LINGO2: variants seen among roughly 807,000 people sequenced by gnomAD.
LINGO2 encodes leucine-rich repeat and immunoglobulin-like domain-containing nogo receptor-interacting protein 2.
A neutral mutation model predicts 30.6 loss-of-function variants in LINGO2; 14 were observed. That is an observed-to-expected ratio of 0.46 (90% CI 0.30 to 0.72). The LOEUF is 0.72. Among genes scored for constraint, LINGO2 ranks in the 30% least tolerant of loss-of-function variants. The pLI, the probability that LINGO2 is intolerant of heterozygous loss-of-function variation, is 0.07. For missense variants in LINGO2, 729 were observed against 751.7 expected, an observed-to-expected ratio of 0.97 and a Z score of 0.35; for synonymous variants, 317 against 288.5, an observed-to-expected ratio of 1.10 and a Z score of -1.00.
chr9:28,240,613 C>G (rs1166541682), intron 4 of LINGO2, among the ~76,000 whole-genome samples: 1 of 151,996 alleles, frequency 6.6e-6, no homozygotes, highest in Non-Finnish European at 1.5e-5. Flanking sequence ...AAACTTGATC[C>G]CCATCTCTTA....
At chr9:29,151,043 A>G in the LINGO2 span, among the ~76,000 whole-genome samples, 4 of 152,154 alleles carry the variant, frequency 2.6e-5, no homozygotes, top group Non-Finnish European at 4.4e-5. Flanking sequence ...AGTGAGTCCC[A>G]TCAGGCTTGC....
At chr9:28,659,419 C>G (rs369649595) in intron 1 of LINGO2, among the ~76,000 whole-genome samples, 3 of 151,800 alleles carry the variant, frequency 2.0e-5, no homozygotes, top group Admixed American at 2.0e-4. Context: ...ACAGCAATAG[C>G]TTGACAGCTG....
chr9:28,713,931 G>T, the LINGO2 span, among the ~76,000 whole-genome samples: 4 of 151,978 alleles, frequency 2.6e-5, no homozygotes, highest in African/African-American at 9.7e-5. Context: ...GCCGAGGCAG[G>T]TGGATCACCT....
chr9:28,712,384 A>G, the LINGO2 span, among the ~76,000 whole-genome samples: 1,242 of 152,092 alleles, frequency 8.2e-3, 12 homozygotes, highest in African/African-American at 0.028. Context: ...AAACTTTATT[A>G]AAAAGAACAT....
At chr9:28,613,556 G>T (rs187224004) in intron 1 of LINGO2, among the ~76,000 whole-genome samples, 12 of 152,090 alleles carry the variant, frequency 7.9e-5, no homozygotes, top group African/African-American at 2.7e-4. Flanking sequence ...TCAGGAGATT[G>T]TATTTTAATA....
At chr9:28,789,260 T>C in the LINGO2 span, among the ~76,000 whole-genome samples, 1 of 152,144 alleles carries the variant, frequency 6.6e-6, no homozygotes, top group East Asian at 1.9e-4. Context: ...TGTTTTGAGA[T>C]AAGGAAAGAG....
At chr9:28,907,434 G>A in the LINGO2 span, among the ~76,000 whole-genome samples, 1 of 151,744 alleles carries the variant, frequency 6.6e-6, no homozygotes, top group Non-Finnish European at 1.5e-5. Context: ...CAGGTGGTAA[G>A]GAAACTGATC....
At chr9:29,177,826 A>G in the LINGO2 span, among the ~76,000 whole-genome samples, 2 of 152,014 alleles carry the variant, frequency 1.3e-5, no homozygotes, top group Non-Finnish European at 2.9e-5. Flanking sequence ...ATTGTCCCCA[A>G]ATTCTCTGAC....
intron 5 of LINGO2, among the ~76,000 whole-genome samples, chr9:27,967,125 G>A (rs140849113): frequency 6.6e-6 from 1 of 152,254 alleles, no homozygotes; most frequent in East Asian, 1.9e-4. Flanking sequence ...CAAGATAGCT[G>A]TCTTAAATCC....
At chr9:29,165,205 AATCTAT>A in the LINGO2 span, among the ~76,000 whole-genome samples, 2 of 152,152 alleles carry the variant, frequency 1.3e-5, no homozygotes, top group African/African-American at 2.4e-5. Context: ...ATAGACATCA[AATCTAT>A]ATCTATATCT....
the LINGO2 span, among the ~76,000 whole-genome samples, chr9:28,956,692 TTCCTCCCTCCCTTCCC>T: frequency 9.6e-6 from 1 of 104,706 alleles, no homozygotes; most frequent in Admixed American, 9.9e-5. Context: ...TCTTCCTTCC[TTCCTCCCTCCCTTCCC>T]TCCTCCCTCC....
At chr9:28,622,804 C>T (rs1429969053) in intron 1 of LINGO2, among the ~76,000 whole-genome samples, 3 of 151,754 alleles carry the variant, frequency 2.0e-5, no homozygotes, top group East Asian at 3.9e-4. Flanking sequence ...ACATTTCCAC[C>T]ACCAGTATAC....
intron 4 of LINGO2, among the ~76,000 whole-genome samples, chr9:28,092,426 C>T (rs1826120027): frequency 6.6e-6 from 1 of 151,822 alleles, no homozygotes; most frequent in Non-Finnish European, 1.5e-5. Flanking sequence ...AACCATCATT[C>T]TCAGCAAACT....
upstream of LINGO2, among the ~76,000 whole-genome samples, chr9:28,673,598 C>G (rs936489632): frequency 6.6e-6 from 1 of 151,770 alleles, no homozygotes; most frequent in Non-Finnish European, 1.5e-5. Flanking sequence ...ACCCGGGAGG[C>G]GCAAGTTGCA....
intron 1 of LINGO2, among the ~76,000 whole-genome samples, chr9:28,497,809 A>T (rs1268201514): frequency 6.6e-6 from 1 of 151,896 alleles, no homozygotes; most frequent in Non-Finnish European, 1.5e-5. Flanking sequence ...ATCATCTTTG[A>T]TGATGGTGAT....
the LINGO2 span, among the ~76,000 whole-genome samples, chr9:28,938,129 G>C: frequency 0.11 from 17,344 of 152,208 alleles, 991 homozygotes; most frequent in South Asian, 0.16. Flanking sequence ...TAGAATTTCA[G>C]AAGTCTGAAA....
rs1191976573 is a variant in LINGO2, at chr9:28,168,596, A to G, written c.-87+126612T>C. ...TTCAAAGGCACATACTTGGTTCTAA[A>G]TGGCTATAAATTAGTTTTCAAAATG... is the stretch of plus-strand genomic sequence containing the variant. On this transcript the variant is annotated intron_variant, in intron 4 of 5. Transcript: ENST00000379992. 4.6e-5 allele frequency among the ~76,000 whole-genome samples: 7 copies of G among 152,214 alleles called. No individual in the cohort carries two copies. In the East Asian group the frequency reaches 1.3e-3, roughly 29 times the overall value.
chr9:28,830,800 G>A, the LINGO2 span, among the ~76,000 whole-genome samples: 1 of 147,558 alleles, frequency 6.8e-6, no homozygotes, highest in Non-Finnish European at 1.5e-5. Flanking sequence ...ACACACACAT[G>A]CATGTTCACT....
the LINGO2 span, among the ~76,000 whole-genome samples, chr9:28,770,318 T>G: frequency 6.6e-6 from 1 of 152,192 alleles, no homozygotes; most frequent in Non-Finnish European, 1.5e-5. Flanking sequence ...AGGGAATACC[T>G]TTGACTCTAT....
Sources: gnomAD v4.1 joint callset for allele counts (sites outside exome capture counted in the v4.1 genomes callset) on GRCh38, gnomAD v4.1.1 for gene constraint, MANE v1.5 for transcripts, NCBI Gene and HGNC (gene_info 2026-07-23, HGNC 2026-07-21) for gene names.